Variants in SASH1 observed in about 807,000 individuals in gnomAD.
The protein encoded by SASH1 is SAM and SH3 domain containing 1.
SASH1 carries 44 observed loss-of-function variants against 125.2 expected under a neutral mutation model. The observed-to-expected ratio is 0.35, with a 90% confidence interval of 0.28 to 0.45. The LOEUF is 0.45. Among genes scored for constraint, SASH1 ranks in the 20% least tolerant of loss-of-function variants. The pLI is 1.00. For synonymous variants in SASH1, 639 were observed against 649.1 expected (o/e 0.98, Z 0.24); for missense variants, 1,426 against 1,614.5 (o/e 0.88, Z 2.00).
the SASH1 span, among the ~76,000 whole-genome samples, chr6:148,211,121 C>T: frequency 1.3e-5 from 2 of 152,204 alleles, no homozygotes; most frequent in Non-Finnish European, 2.9e-5. Flanking sequence ...GATATGCTAC[C>T]TACCTCAGAA....
At chr6:148,292,948 A>G (rs966787003) in intron 1 of SASH1, among the ~76,000 whole-genome samples, 1 of 151,996 alleles carries the variant, frequency 6.6e-6, no homozygotes. Context: ...GCTACTCAGG[A>G]GGCTGAGGCA....
chr6:148,419,250 G>A (rs1784946135), intron 2 of SASH1, among the ~76,000 whole-genome samples: 1 of 152,186 alleles, frequency 6.6e-6, no homozygotes, highest in African/African-American at 2.4e-5. Context: ...GTACTGGGAT[G>A]GGATGCTAAT....
At chr6:148,493,823 A>G (rs1779207195) in intron 8 of SASH1, among the ~76,000 whole-genome samples, 1 of 152,188 alleles carries the variant, frequency 6.6e-6, no homozygotes, top group African/African-American at 2.4e-5. Flanking sequence ...TTCTGTTGGG[A>G]GTGCTAAAAG....
chr6:148,515,248 G>A (rs1486927974), intron 9 of SASH1, among the ~76,000 whole-genome samples: 2 of 152,082 alleles, frequency 1.3e-5, no homozygotes, highest in Non-Finnish European at 2.9e-5. Context: ...TAAAAATACT[G>A]GAAAGACTAT....
chr6:148,497,376 G>A (rs1290262684), intron 8 of SASH1, among the ~76,000 whole-genome samples: 1 of 152,186 alleles, frequency 6.6e-6, no homozygotes, highest in African/African-American at 2.4e-5. Context: ...AGATCACCAT[G>A]TTTCCACAAA....
intron 1 of SASH1, among the ~76,000 whole-genome samples, chr6:148,295,521 G>A (rs896795838): frequency 2.0e-5 from 3 of 152,220 alleles, no homozygotes; most frequent in African/African-American, 7.2e-5. Context: ...CTCCCTTGGA[G>A]AGGGGGAGTA....
At chr6:148,439,473 T>C (rs1211944347) in intron 2 of SASH1, among the ~76,000 whole-genome samples, 1 of 152,188 alleles carries the variant, frequency 6.6e-6, no homozygotes, top group Non-Finnish European at 1.5e-5. Flanking sequence ...TCTGAATACA[T>C]TTAGAACTTT....
the SASH1 span, among the ~76,000 whole-genome samples, chr6:148,199,751 AAGAG>A: frequency 8.6e-5 from 13 of 151,456 alleles, no homozygotes; most frequent in African/African-American, 2.9e-4. Flanking sequence ...AGGAGAAAGA[AAGAG>A]AGAAAAAGGA....
intron 4 of SASH1, 44 bp downstream of exon 4, chr6:148,440,451 G>A: frequency 6.5e-7 from 1 of 1,527,192 alleles, no homozygotes; most frequent in Non-Finnish European, 9.1e-7. Context: ...CCAAGAAGGT[G>A]TCTTTTAGGT....
intron 1 of SASH1, among the ~76,000 whole-genome samples, chr6:148,280,078 C>T (rs142421639): frequency 2.5e-5 from 3 of 121,160 alleles, no homozygotes; most frequent in Non-Finnish European, 5.1e-5. Flanking sequence ...TCATTCCCCC[C>T]CGACATAACA....
At chr6:148,239,843 G>A in the SASH1 span, 2 of 152,032 alleles carry the variant, frequency 1.3e-5, no homozygotes, top group South Asian at 4.2e-4. Context: ...GGACGCCTAG[G>A]GAACACCTAA....
At chr6:148,507,797 A>G (rs958763798) in intron 8 of SASH1, among the ~76,000 whole-genome samples, 10 of 152,204 alleles carry the variant, frequency 6.6e-5, no homozygotes, top group African/African-American at 2.4e-4. Context: ...AAAGAGCATT[A>G]TACATGAAGA....
intron 1 of SASH1, among the ~76,000 whole-genome samples, chr6:148,328,368 G>A (rs145140938): frequency 6.6e-6 from 1 of 152,268 alleles, no homozygotes; most frequent in African/African-American, 2.4e-5. Context: ...GCAGAGGCAG[G>A]CAGATCACAA....
intron 2 of SASH1, among the ~76,000 whole-genome samples, chr6:148,426,677 G>A (rs917086859): frequency 5.9e-5 from 9 of 152,124 alleles, no homozygotes; most frequent in Non-Finnish European, 7.4e-5. Flanking sequence ...TTTTATCCTC[G>A]TTGACTTATG....
chr6:148,536,402 C>T lies in SASH1; in HGVS notation c.2095+1501C>T, dbSNP rs572499638. Reference sequence around the variant, plus strand: ...TTGCCCAAGCTGGAGTGCAGTGGTGCGATCTTGGTTCACCGCAACCTCCGC... The same window carrying T: ...TTGCCCAAGCTGGAGTGCAGTGGTGTGATCTTGGTTCACCGCAACCTCCGC... On this transcript the variant is annotated intron_variant, in intron 16 of 19. Transcript: ENST00000367467. 5.3e-5 allele frequency among the ~76,000 whole-genome samples: 8 copies of T among 152,276 alleles called. No homozygotes were observed. In the South Asian group the frequency reaches 1.7e-3, roughly 32 times the overall value.
intron 2 of SASH1, among the ~76,000 whole-genome samples, 195 bp downstream of exon 2, chr6:148,390,457 G>C (rs997493714): frequency 2.0e-5 from 3 of 152,176 alleles, no homozygotes; most frequent in African/African-American, 7.2e-5. Flanking sequence ...GTGAGTGTTG[G>C]CTGGAGCAAT....
At chr6:148,396,750 G>C (rs944298714) in intron 2 of SASH1, among the ~76,000 whole-genome samples, 1 of 152,140 alleles carries the variant, frequency 6.6e-6, no homozygotes, top group Non-Finnish European at 1.5e-5. Flanking sequence ...ATGGAAAGAG[G>C]CTGAGGGAGT....
the SASH1 span, among the ~76,000 whole-genome samples, chr6:148,258,649 C>T: frequency 7.2e-5 from 11 of 152,164 alleles, no homozygotes; most frequent in Non-Finnish European, 1.3e-4. Context: ...ATAAGGCACA[C>T]GTACAAAGAA....
chr6:148,404,773 C>T (rs1784311647), intron 2 of SASH1, among the ~76,000 whole-genome samples: 2 of 120,884 alleles, frequency 1.7e-5, no homozygotes, highest in Admixed American at 8.5e-5. Flanking sequence ...CCCAGCCTCG[C>T]CCTCATCCCA....
Sources: gnomAD v4.1 joint callset for allele counts (sites outside exome capture counted in the v4.1 genomes callset) on GRCh38, gnomAD v4.1.1 for gene constraint, MANE v1.5 for transcripts, NCBI Gene and HGNC (gene_info 2026-07-23, HGNC 2026-07-21) for gene names.